TTBK1: variants seen among roughly 807,000 people sequenced by gnomAD.
The protein encoded by TTBK1 is tau-tubulin kinase 1.
A neutral mutation model predicts 108.5 loss-of-function variants in TTBK1; 34 were observed. The observed-to-expected ratio is 0.31, with a 90% CI of 0.24 to 0.42. TTBK1 has a LOEUF of 0.42. TTBK1 is among the 10% of genes least tolerant of loss of function. The pLI, the probability that TTBK1 is intolerant of heterozygous loss-of-function variation, is 1.00. For synonymous variants in TTBK1, 809 were observed against 795.1 expected (o/e 1.02, Z -0.29); for missense variants, 1,539 against 1,826.0 (o/e 0.84, Z 2.86).
At chr6:43,250,257 A>G (rs192863339) in intron 2 of TTBK1, among the ~76,000 whole-genome samples, 4 of 151,224 alleles carry the variant, frequency 2.6e-5, no homozygotes, top group Admixed American at 2.6e-4. Context: ...CTCAGCACTC[A>G]CACTTTTAAT....
chr6:43,262,731 G>T (rs1777574328), intron 12 of TTBK1, 58 bp from the exon 13 acceptor site: 1 of 1,445,542 alleles, frequency 6.9e-7, no homozygotes, highest in African/African-American at 1.4e-5. Context: ...CGCTGGCGTG[G>T]GGTCCTTGGG....
intron 13 of TTBK1, chr6:43,270,059 C>T: frequency 7.1e-7 from 1 of 1,416,346 alleles, no homozygotes; most frequent in Non-Finnish European, 9.2e-7. Flanking sequence ...CACATCCCAT[C>T]CCACCCCATC....
Position 43,285,419 on chromosome 6 carries a change from C to G in TTBK1, c.*43C>G. On this transcript the variant is annotated 3_prime_UTR_variant, in exon 15 of 15. Transcript: ENST00000259750. The surrounding 1 kb of genome is among the most constrained non-coding windows in gnomAD (Gnocchi z 4.7). ...CGCGGTCCCCCACCCTCACCCCGGC[C>G]CCCCACCCGCAGCCGGCCACACTGG... is the stretch of plus-strand genomic sequence containing the variant. The G allele has an allele frequency of 8.0e-7, 1 of 1,251,514 alleles. No individual in the cohort carries two copies. The highest frequency in any genetic ancestry group is 1.0e-6 in the Non-Finnish European group (1 of 1,001,170). 77.5% of individuals were successfully genotyped at this position (1,251,514 alleles called of 1,614,324 possible).
Position 43,283,570 on chromosome 6 carries a change from T to C in TTBK1, c.2830T>C (p.Ser944Pro). ...AEKTHLNVMS[S>P]GGQALRSEEF... The stretch of plus-strand genomic sequence containing the variant: ...GAAAACCCACCTCAACGTCATGTCT[T>C]CCGGTGGACAAGCCTTGCGGTCTGA... Residue 944 changes from serine (S) to proline (P), a missense_variant, in exon 14 of 15, where the codon TCC (serine) becomes CCC (proline). Coordinates refer to ENST00000259750, the MANE Select transcript of TTBK1 (RefSeq NM_032538.3). This position sits in a 1 kb window ranked among gnomAD's most constrained non-coding sequence, Gnocchi z 8.1. 6.2e-7 allele frequency: 1 copy of C among 1,614,120 alleles called. No individual in the cohort carries two copies. Among genetic ancestry groups the C allele is most frequent in the Non-Finnish European group, 8.5e-7 (1 of 1,179,988 alleles).
At chr6:43,280,896 G>A (rs970200568) in intron 13 of TTBK1, among the ~76,000 whole-genome samples, 2 of 152,146 alleles carry the variant, frequency 1.3e-5, no homozygotes, top group Admixed American at 1.3e-4. Context: ...GCCCCCAGGT[G>A]GAGGAAACTG....
rs534858432 is a variant in TTBK1 at position 43,278,873 on chromosome 6, G to A, written c.1987-3854G>A. On this transcript the variant is annotated intron_variant, in intron 13 of 14. Transcript: ENST00000259750. ...GGAAGGGCAGAGGGACTTTGAAACC[G>A]AAAAGCCAGCATGCCTAGGTTGGTG... Among the ~76,000 whole-genome samples the A allele has an allele frequency of 6.6e-5, 10 of 152,300 alleles. No individual in the cohort carries two copies. The South Asian group carries it at 1.0e-3, about 16-fold the overall frequency.
Position 43,283,408 on chromosome 6 carries a change from G to C in TTBK1, c.2668G>C (p.Val890Leu). ...DVSEPGTLSS[V>L]LKSEPKPPGP... ...ATCTGAGCCAGGCACCCTGTCCTCT[G>C]TCCTCAAGTCTGAGCCCAAGCCCCC... Residue 890 changes from valine (V) to leucine (L), a missense_variant, in exon 14 of 15, where the codon GTC (valine) becomes CTC (leucine). Val to Leu is a conservative substitution (Grantham distance 32). Coordinates refer to ENST00000259750, the MANE Select transcript of TTBK1 (RefSeq NM_032538.3). The surrounding 1 kb of genome is among the most constrained non-coding windows in gnomAD (Gnocchi z 8.1). 9 of 1,612,410 alleles carry C rather than the reference G, an allele frequency of 5.6e-6. No individual in the cohort carries two copies. The highest frequency in any genetic ancestry group is 2.2e-5 in the South Asian group (2 of 90,850).
chr6:43,284,867 T>C, intron 14 of TTBK1, 116 bp from the exon 15 acceptor site: 1 of 1,378,150 alleles, frequency 7.3e-7, no homozygotes, highest in Non-Finnish European at 9.3e-7. Flanking sequence ...ATGGTCTCAG[T>C]CTCAGCTCTG....
At position 43,285,131 on chromosome 6, in the gene TTBK1, G is replaced by T; in HGVS notation, c.3721G>T (p.Ala1241Ser). Residue 1241 changes from alanine to serine, a missense_variant, in exon 15 of 15, where the codon GCC (alanine) becomes TCC (serine). By Grantham distance (99) the Ala-to-Ser change is moderately conservative. Transcript: ENST00000259750. This position sits in a 1 kb window ranked among gnomAD's most constrained non-coding sequence, Gnocchi z 4.7. ...RSPRLPASTS[A>S]ARNASASPRS... ...CCCGCGCCTCCCCGCGTCCACATCC[G>T]CCGCGCGCAATGCCAGCGCGTCCCC... 1 of 1,452,574 alleles carries T rather than the reference G, an allele frequency of 6.9e-7. No homozygotes were observed. 90.0% of individuals were successfully genotyped at this position (1,452,574 alleles called of 1,614,324 possible). A position where few individuals can be genotyped will look rare whatever the true frequency, so the allele number is the denominator to read the frequency against.
rs1777577540 is a variant in TTBK1, at chr6:43,262,833, C to T, written c.1469C>T (p.Ser490Phe). Residue 490 changes from serine (S) to phenylalanine (F), a missense_variant, in exon 13 of 15, where the codon TCC (serine) becomes TTC (phenylalanine). Ser to Phe is a radical substitution (Grantham distance 155). Around this residue, in one of 5 missense-constraint regions of TTBK1, gnomAD observed 277 missense variants for 332.4 expected, o/e 0.83. Coordinates refer to ENST00000259750, the MANE Select transcript of TTBK1 (RefSeq NM_032538.3). ...GGCTCGCCCTCGCGCCAGGCCTGCT[C>T]CTCTCAGCCAGCCCAGATGCTGTCA... ...LPGSPSRQACSSQPAQMLSVD... is the reference protein window; with the variant it reads ...LPGSPSRQACFSQPAQMLSVD... The T allele has an allele frequency of 1.9e-6, 3 of 1,599,936 alleles. No individual in the cohort carries two copies. In the South Asian group the frequency reaches 3.3e-5, roughly 18 times the overall value.
chr6:43,255,917 A>C, intron 9 of TTBK1, 61 bp downstream of exon 9: 1 of 1,604,914 alleles, frequency 6.2e-7, no homozygotes, highest in Non-Finnish European at 8.5e-7. Flanking sequence ...ACTGTCCCCC[A>C]GCAGACCTCG....
intron 14 of TTBK1, 89 bp downstream of exon 14, chr6:43,284,401 T>TTCTCCAGA (rs2150717735): frequency 8.3e-6 from 12 of 1,445,594 alleles, no homozygotes; most frequent in South Asian, 2.9e-5. Context: ...GGTCAGGGGC[T>TTCTCCAGA]ATGGAAGATC....
At chr6:43,270,238 G>T in intron 13 of TTBK1, 1 of 1,238,246 alleles carries the variant, frequency 8.1e-7, no homozygotes, top group South Asian at 2.7e-5. Context: ...GGGGCGCTCA[G>T]CTGGAGCCAC....
In TTBK1 at chr6:43,269,502, C is replaced by T. The variant is rs951343741; in HGVS notation, c.1986+6152C>T. 191 of 948,824 alleles carry T rather than the reference C, an allele frequency of 2.0e-4. 1 individual carries two copies. The highest frequency in any genetic ancestry group is 1.1e-3 in the Admixed American group (33 of 30,850). 58.8% of individuals were successfully genotyped at this position (948,824 alleles called of 1,614,324 possible). ...GACCTTGGGGCGGGTGGTTTGCACC[C>T]TCCTCCACCCTGCCTGACCCCGCCC... On this transcript the variant is annotated intron_variant, in intron 13 of 14. Transcript: ENST00000259750. The surrounding 1 kb of genome is among the most constrained non-coding windows in gnomAD (Gnocchi z 4.8).
intron 13 of TTBK1, among the ~76,000 whole-genome samples, chr6:43,280,389 G>A (rs548791232): frequency 6.4e-4 from 97 of 152,342 alleles, no homozygotes; most frequent in African/African-American, 2.3e-3. Flanking sequence ...AGAGCAGGAG[G>A]TGGGAGGTAG....
chr6:43,261,837 A>G (rs1777548538), intron 12 of TTBK1, among the ~76,000 whole-genome samples: 1 of 150,592 alleles, frequency 6.6e-6, no homozygotes, highest in Admixed American at 6.6e-5. Flanking sequence ...AAAGATAACG[A>G]CAGAAGAGAT....
At chr6:43,260,853 G>A (rs992679354) in intron 12 of TTBK1, among the ~76,000 whole-genome samples, 2 of 152,098 alleles carry the variant, frequency 1.3e-5, no homozygotes, top group African/African-American at 4.8e-5. Context: ...GCAGGAGACA[G>A]TACAAAAGCA....
intron 9 of TTBK1, among the ~76,000 whole-genome samples, chr6:43,256,746 CAAAT>C (rs957148581): frequency 1.4e-5 from 2 of 143,136 alleles, no homozygotes; most frequent in Non-Finnish European, 3.1e-5. Context: ...CTCAAACAAA[CAAAT>C]AAACAAAAAC....
In TTBK1 at chr6:43,285,102, G is replaced by A. The variant is rs1778326742; in HGVS notation, c.3692G>A (p.Arg1231His). Residue 1231 changes from arginine to histidine, a missense_variant, in exon 15 of 15, where the codon CGC (arginine) becomes CAC (histidine). Physicochemically the swap from Arg to His is conservative, Grantham distance 29. Around this residue, in one of 5 missense-constraint regions of TTBK1, gnomAD observed 1,055 missense variants for 1,086.5 expected, o/e 0.97. Transcript: ENST00000259750. The surrounding 1 kb of genome is among the most constrained non-coding windows in gnomAD (Gnocchi z 4.7). ...GCCGGAGCCAGGCCCCCAGCGCCGCGCAGCCCGCGCCTCCCCGCGTCCACA... is the reference window on the plus strand; with the variant it reads ...GCCGGAGCCAGGCCCCCAGCGCCGCACAGCCCGCGCCTCCCCGCGTCCACA... ...AQAGARPPAP[R>H]SPRLPASTSA... 6.8e-7 allele frequency: 1 copy of A among 1,477,824 alleles called. No individual in the cohort carries two copies. The allele number at this position is 1,477,824 out of a possible 1,614,324, so 91.5% of individuals were successfully genotyped here.
Sources: allele counts gnomAD v4.1 joint callset (sites outside exome capture counted in the v4.1 genomes callset), GRCh38; gene constraint gnomAD v4.1.1; regional missense constraint gnomAD v4.1.1; non-coding constraint Gnocchi (gnomAD v3.1); transcripts MANE v1.5; gene names NCBI Gene and HGNC (gene_info 2026-07-23, HGNC 2026-07-21).